The following ZFHX4 variants were observed in gnomAD, a reference collection of about 807,000 sequenced individuals.
ZFHX4 encodes the protein zinc finger homeobox 4, also known as zinc finger homeobox protein 4.
In ZFHX4, 56 loss-of-function variants were observed where a neutral mutation model predicts 267.6. That is an observed-to-expected ratio of 0.21 (90% CI 0.17 to 0.26). The LOEUF is 0.26. Among genes scored for constraint, ZFHX4 ranks in the 10% least tolerant of loss-of-function variants. ZFHX4 has a pLI of 1.00. For synonymous variants in ZFHX4, 1,778 were observed against 1,665.6 expected (o/e 1.07, Z -1.64); for missense variants, 4,332 against 4,420.0 (o/e 0.98, Z 0.56).
chr8:76,713,282 A>AAGATAGAT (rs142140233), intron 3 of ZFHX4, among the ~76,000 whole-genome samples: 12,339 of 143,096 alleles, frequency 0.086, 679 homozygotes, highest in African/African-American at 0.17. Context: ...GATAGATAGA[A>AAGATAGAT]AGATAGATAG....
chr8:76,743,544 G>T (rs1809376915), intron 3 of ZFHX4, among the ~76,000 whole-genome samples: 1 of 152,108 alleles, frequency 6.6e-6, no homozygotes, highest in Admixed American at 6.5e-5. Context: ...CCCAACTCTG[G>T]GTCCTGGGGA....
At chr8:76,762,221 T>G (rs1809933700) in intron 3 of ZFHX4, among the ~76,000 whole-genome samples, 1 of 152,104 alleles carries the variant, frequency 6.6e-6, no homozygotes, top group South Asian at 2.1e-4. Context: ...AGATATAGCC[T>G]CTTGGAGATT....
At chr8:76,809,278 A>G (rs1811318686) in intron 4 of ZFHX4, among the ~76,000 whole-genome samples, 1 of 152,084 alleles carries the variant, frequency 6.6e-6, no homozygotes, top group African/African-American at 2.4e-5. Flanking sequence ...TTGAATAACC[A>G]TTGTCTTCTA....
At chr8:76,859,619 A>T (rs1812816721) in intron 10 of ZFHX4, among the ~76,000 whole-genome samples, 1 of 152,182 alleles carries the variant, frequency 6.6e-6, no homozygotes, top group South Asian at 2.1e-4. Context: ...GTTTGGAAAT[A>T]CTGCCTAAGC....
chr8:76,761,444 C>T (rs1276922055), intron 3 of ZFHX4, among the ~76,000 whole-genome samples: 1 of 152,166 alleles, frequency 6.6e-6, no homozygotes, highest in Non-Finnish European at 1.5e-5. Context: ...AGTGGCCATG[C>T]CTCAGCTTTT....
rs760360563 is a variant in ZFHX4, at chr8:76,854,680, G to A, written c.7759G>A (p.Asp2587Asn). The A allele has an allele frequency of 1.2e-6, 2 of 1,613,706 alleles. No individual in the cohort carries two copies. The highest frequency in any genetic ancestry group is 2.2e-5 in the South Asian group (2 of 91,062). Residue 2587 changes from aspartate (D) to asparagine (N), a missense_variant, in exon 10 of 11, where the codon GAT becomes AAT. By Grantham distance (23) the Asp-to-Asn change is conservative (BLOSUM62 1). Transcript: ENST00000651372. ...AAAAAGGAAACTAGACGATAAAGAA[G>A]ATAATAATTGCAGTGAAAAAGAAGG... is the stretch of plus-strand genomic sequence containing the variant. ...SLKRKLDDKEDNNCSEKEGGN... is the reference protein window; with the variant it reads ...SLKRKLDDKENNNCSEKEGGN...
intron 1 of ZFHX4, among the ~76,000 whole-genome samples, chr8:76,701,830 A>C (rs538820622): frequency 6.9e-4 from 105 of 152,108 alleles, no homozygotes; most frequent in Non-Finnish European, 1.4e-3. Context: ...TATGTGCATC[A>C]TGCCTAGCAG....
At chr8:76,861,249 T>A (rs1586023188) in intron 10 of ZFHX4, among the ~76,000 whole-genome samples, 1 of 152,308 alleles carries the variant, frequency 6.6e-6, no homozygotes, top group East Asian at 1.9e-4. Flanking sequence ...TCTTTTTGCA[T>A]CTTAAATATT....
At position 76,803,459 on chromosome 8, in the gene ZFHX4, C is replaced by T. The variant is rs541392851; in HGVS notation, c.3325+25020C>T. ...ATTTCTTTGACAATGTTTATTTACACTAATTATTCTTAATTAAACTCTAAA... is the reference window on the plus strand; with the variant it reads ...ATTTCTTTGACAATGTTTATTTACATTAATTATTCTTAATTAAACTCTAAA... On this transcript the variant is annotated intron_variant, in intron 4 of 10. Coordinates refer to ENST00000651372, the MANE Select transcript of ZFHX4 (RefSeq NM_024721.5). Among the ~76,000 whole-genome samples the T allele has an allele frequency of 2.0e-5, 3 of 152,172 alleles. No homozygotes were observed. The South Asian group carries it at 6.2e-4, about 32-fold the overall frequency.
intron 3 of ZFHX4, among the ~76,000 whole-genome samples, chr8:76,745,851 T>G (rs184098628): frequency 3.9e-5 from 6 of 152,346 alleles, no homozygotes; most frequent in South Asian, 2.1e-4. Context: ...CATTATAATA[T>G]GTAGGGCAAA....
At chr8:76,787,911 C>T (rs959688540) in intron 4 of ZFHX4, among the ~76,000 whole-genome samples, 6 of 152,032 alleles carry the variant, frequency 3.9e-5, no homozygotes, top group Non-Finnish European at 8.8e-5. Context: ...TTGATGATAG[C>T]CGACCTTTAC....
intron 4 of ZFHX4, among the ~76,000 whole-genome samples, chr8:76,832,094 A>G (rs1476892126): frequency 1.3e-5 from 2 of 152,134 alleles, no homozygotes; most frequent in African/African-American, 4.8e-5. Flanking sequence ...AGGAAAGACA[A>G]TTAGTAAATG....
chr8:76,721,368 A>G (rs1336038051), intron 3 of ZFHX4, among the ~76,000 whole-genome samples: 1 of 152,178 alleles, frequency 6.6e-6, no homozygotes, highest in Non-Finnish European at 1.5e-5. Context: ...ATGTTGTTTG[A>G]TGTTCTAGTA....
chr8:76,683,221 C>G (rs1407717860), intron 1 of ZFHX4: 1 of 152,242 alleles, frequency 6.6e-6, no homozygotes, highest in East Asian at 2.0e-4. Context: ...AGGTTCAGAT[C>G]GCAAACACGG....
chr8:76,811,561 A>C (rs1363889726), intron 4 of ZFHX4, among the ~76,000 whole-genome samples: 1 of 152,120 alleles, frequency 6.6e-6, no homozygotes, highest in East Asian at 1.9e-4. Flanking sequence ...AAAACTACTG[A>C]TGTTATGTGT....
At chr8:76,778,588 G>T (rs1187947998) in intron 4 of ZFHX4, 149 bp downstream of exon 4, 3 of 684,234 alleles carry the variant, frequency 4.4e-6, no homozygotes, top group East Asian at 2.7e-5. Flanking sequence ...TAATCTCTCA[G>T]AAATGAACAT....
At chr8:76,730,952 G>A (rs1808993647) in intron 3 of ZFHX4, among the ~76,000 whole-genome samples, 1 of 152,162 alleles carries the variant, frequency 6.6e-6, no homozygotes, top group Admixed American at 6.6e-5. Flanking sequence ...TACAGATTAG[G>A]AAATGGAGCA....
Position 76,851,282 on chromosome 8 carries a change from C to A in ZFHX4, c.4361C>A (p.Ala1454Asp). 5 of 1,613,826 alleles carry A rather than the reference C, an allele frequency of 3.1e-6. No individual in the cohort carries two copies. The highest frequency in any genetic ancestry group is 4.2e-6 in the Non-Finnish European group (5 of 1,179,826). The change falls in exon 10 of 11, where the codon GCT (alanine) becomes GAT (aspartate). Residue 1454 changes from alanine (A) to aspartate (D), a missense_variant. Transcript: ENST00000651372. ...LEAGHPELSE[A>D]ELQQLYASLP... Reference sequence around the variant, plus strand: ...GCAGGCCACCCTGAACTGAGTGAAGCTGAACTTCAACAGCTATATGCCTCC... The same window carrying A: ...GCAGGCCACCCTGAACTGAGTGAAGATGAACTTCAACAGCTATATGCCTCC...
At chr8:76,693,924 A>T (rs1018233613) in intron 1 of ZFHX4, among the ~76,000 whole-genome samples, 1 of 152,200 alleles carries the variant, frequency 6.6e-6, no homozygotes, top group South Asian at 2.1e-4. Flanking sequence ...TAAACCTTAC[A>T]CGAGCACTTG....
Sources: allele counts gnomAD v4.1 joint callset (sites outside exome capture counted in the v4.1 genomes callset), GRCh38; gene constraint gnomAD v4.1.1; transcripts MANE v1.5; gene names NCBI Gene and HGNC (gene_info 2026-07-23, HGNC 2026-07-21).